LEPR: variants seen among roughly 807,000 people sequenced by gnomAD.
LEPR encodes OB receptor.
In LEPR, 56 loss-of-function variants were observed where a neutral mutation model predicts 114.7. The ratio of observed to expected loss-of-function variants is 0.49; its 90% CI spans 0.39 to 0.61. The LOEUF (loss-of-function observed/expected upper bound fraction) is 0.61. Among genes scored for constraint, LEPR ranks in the 20% least tolerant of loss-of-function variants. The pLI is 0.00. For synonymous variants in LEPR, 443 were observed against 461.4 expected (o/e 0.96, Z 0.51); for missense variants, 1,202 against 1,352.9 (o/e 0.89, Z 1.75).
chr1:65,446,036 C>T (rs987344866), intron 2 of LEPR, among the ~76,000 whole-genome samples: 10 of 152,100 alleles, frequency 6.6e-5, no homozygotes, highest in South Asian at 2.1e-4. Context: ...AATGAGATTG[C>T]GTAATGACCA....
chr1:65,639,587 T>C lies in LEPR; in HGVS notation c.*2572T>C, dbSNP rs1193102443. The C allele has an allele frequency of 6.6e-6, 1 of 152,212 alleles. No individual in the cohort carries two copies. Among genetic ancestry groups the C allele is most frequent in the Non-Finnish European group, 1.5e-5 (1 of 68,036 alleles). 9.4% of individuals were successfully genotyped at this position (152,212 alleles called of 1,614,324 possible). A position where few individuals can be genotyped will look rare whatever the true frequency, so the allele number is the denominator to read the frequency against. On this transcript the variant is annotated 3_prime_UTR_variant, in exon 20 of 20. Coordinates refer to ENST00000349533, the MANE Select transcript of LEPR (RefSeq NM_002303.6). ...ACTTCCCATTTCTTCCCACAGCTTC[T>C]ATAAAAAAAATTTAAAAGGAAGGAG...
chr1:65,612,684 T>C (rs1314724365), intron 14 of LEPR, among the ~76,000 whole-genome samples: 1 of 149,636 alleles, frequency 6.7e-6, no homozygotes, highest in African/African-American at 2.5e-5. Flanking sequence ...TAGATCTTCT[T>C]TGTTTTTATG....
At chr1:65,487,705 A>AT (rs1557619396) in intron 2 of LEPR, among the ~76,000 whole-genome samples, 5 of 74,894 alleles carry the variant, frequency 6.7e-5, no homozygotes, top group African/African-American at 1.5e-4. Context: ...TAAATTAAAA[A>AT]ATTTTTTTTT....
At chr1:65,596,379 T>C in intron 6 of LEPR, 69 bp from the exon 7 acceptor site, 1 of 1,580,950 alleles carries the variant, frequency 6.3e-7, no homozygotes, top group South Asian at 1.1e-5. Context: ...TATCTTGACT[T>C]TATTTTATTC....
At position 65,622,906 on chromosome 1, in the gene LEPR, A is replaced by C; in HGVS notation, c.2598A>C (p.Arg866Ser). The change falls in exon 19 of 20, where the codon AGA (arginine) becomes AGC (serine). Residue 866 changes from arginine to serine, a missense_variant and splice_region_variant. Transcript: ENST00000349533. ...TTGATGCCCTGTTTATCCTTTGTAG[A>C]ATGAAAAAGCTATTTTGGGAAGATG... Reference protein sequence around the residue: ...LLGTLLISHQRMKKLFWEDVP... With the variant: ...LLGTLLISHQSMKKLFWEDVP... 3.7e-6 allele frequency: 6 copies of C among 1,613,950 alleles called. No homozygotes were observed. Among genetic ancestry groups the C allele is most frequent in the Non-Finnish European group, 5.1e-6 (6 of 1,179,918 alleles).
intron 2 of LEPR, among the ~76,000 whole-genome samples, chr1:65,505,567 C>T (rs1280824790): frequency 1.3e-5 from 2 of 152,084 alleles, no homozygotes; most frequent in Non-Finnish European, 2.9e-5. Flanking sequence ...CAGGTATCAT[C>T]GTTTTAACCC....
intron 2 of LEPR, among the ~76,000 whole-genome samples, chr1:65,553,277 G>A (rs1363769742): frequency 6.6e-6 from 1 of 152,102 alleles, no homozygotes; most frequent in East Asian, 1.9e-4. Context: ...ACTAGGTTGG[G>A]GAAGTTCTCC....
chr1:65,608,289 G>A lies in LEPR; in HGVS notation c.1604-464G>A, dbSNP rs186535695. ...TCTGTCGCCCAGGCTGGAGTGCAGT[G>A]GCGCAATCTCGGCTCACTGCAAGCT... On this transcript the variant is annotated intron_variant, in intron 11 of 19. Transcript: ENST00000349533. Among the ~76,000 whole-genome samples, 334 of 150,668 alleles carry A rather than the reference G, an allele frequency of 2.2e-3. 1 individual carries two copies. The highest frequency in any genetic ancestry group is 7.7e-3 in the African/African-American group (314 of 40,934).
intron 2 of LEPR, chr1:65,429,825 C>T (rs1376029423): frequency 7.2e-7 from 1 of 1,380,462 alleles, no homozygotes; most frequent in Non-Finnish European, 9.5e-7. Context: ...GTAACTGTTA[C>T]TTTTCTTTTT....
chr1:65,536,441 C>G (rs778009429), intron 2 of LEPR, among the ~76,000 whole-genome samples: 3 of 152,110 alleles, frequency 2.0e-5, no homozygotes, highest in Non-Finnish European at 4.4e-5. Flanking sequence ...ATAAATTACC[C>G]AGTCTCAGGT....
intron 2 of LEPR, among the ~76,000 whole-genome samples, chr1:65,525,056 C>G (rs1649830057): frequency 6.6e-6 from 1 of 152,086 alleles, no homozygotes; most frequent in African/African-American, 2.4e-5. Context: ...AGCTCAATCC[C>G]CTCCAAACAC....
intron 2 of LEPR, among the ~76,000 whole-genome samples, chr1:65,496,184 T>A (rs906825360): frequency 1.6e-4 from 24 of 152,192 alleles, no homozygotes; most frequent in Non-Finnish European, 2.9e-4. Context: ...ACAATTATTA[T>A]GTGTCAATCA....
At chr1:65,442,089 A>T (rs2100284905) in intron 2 of LEPR, among the ~76,000 whole-genome samples, 1 of 152,338 alleles carries the variant, frequency 6.6e-6, no homozygotes, top group South Asian at 2.1e-4. Flanking sequence ...CCAAGAGGTG[A>T]GTAGGAGAAT....
At chr1:65,453,814 T>C (rs1466839642) in intron 2 of LEPR, among the ~76,000 whole-genome samples, 1 of 152,116 alleles carries the variant, frequency 6.6e-6, no homozygotes, top group African/African-American at 2.4e-5. Flanking sequence ...GGTGCAGAGC[T>C]GAGTTCAATT....
chr1:65,533,609 T>G (rs1265570079), intron 2 of LEPR, among the ~76,000 whole-genome samples: 1 of 152,168 alleles, frequency 6.6e-6, no homozygotes, highest in Non-Finnish European at 1.5e-5. Context: ...TTTTCAGCCT[T>G]TCTTCTTTTT....
chr1:65,488,198 T>TCTCTC (rs1647633683), intron 2 of LEPR, among the ~76,000 whole-genome samples: 1 of 24,602 alleles, frequency 4.1e-5, no homozygotes, highest in African/African-American at 1.9e-4. Flanking sequence ...CTTTCTTTCT[T>TCTCTC]TCTTTCTTTC....
chr1:65,439,353 A>C (rs1427306140), intron 2 of LEPR, among the ~76,000 whole-genome samples: 1 of 152,230 alleles, frequency 6.6e-6, no homozygotes, highest in Admixed American at 6.5e-5. Context: ...AATTGAATAG[A>C]ATCAATAATT....
At chr1:65,463,964 C>A (rs1229415228) in intron 2 of LEPR, among the ~76,000 whole-genome samples, 2 of 152,172 alleles carry the variant, frequency 1.3e-5, no homozygotes, top group East Asian at 3.8e-4. Context: ...ATCATGTCAT[C>A]TGCAAACAGA....
chr1:65,445,922 C>T (rs574008643), intron 2 of LEPR, among the ~76,000 whole-genome samples: 1 of 152,090 alleles, frequency 6.6e-6, no homozygotes, highest in Non-Finnish European at 1.5e-5. Flanking sequence ...TTATGGGGTT[C>T]TTTTCAATAT....
Sources: allele counts gnomAD v4.1 joint callset (sites outside exome capture counted in the v4.1 genomes callset), GRCh38; gene constraint gnomAD v4.1.1; transcripts MANE v1.5; gene names NCBI Gene and HGNC (gene_info 2026-07-23, HGNC 2026-07-21).